The following ZNF71 variants were observed in gnomAD, a reference collection of about 807,000 sequenced individuals.
ZNF71 encodes endothelial zinc finger protein induced by tumor necrosis factor alpha.
A neutral mutation model predicts 6.7 loss-of-function variants in ZNF71; 3 were observed. The observed-to-expected ratio is 0.45, with a 90% CI of 0.20 to 1.16. The LOEUF (loss-of-function observed/expected upper bound fraction) is 1.16. ZNF71 is among the 50% of genes most tolerant of loss of function. The pLI, the probability that ZNF71 is intolerant of heterozygous loss-of-function variation, is 0.25. For missense variants in ZNF71, 688 were observed against 728.6 expected, an observed-to-expected ratio of 0.94 and a Z score of 0.64; for synonymous variants, 343 against 311.1, an observed-to-expected ratio of 1.10 and a Z score of -1.08.
chr19:56,616,770 G>T (rs941921867), intron 3 of ZNF71, among the ~76,000 whole-genome samples: 10 of 152,266 alleles, frequency 6.6e-5, no homozygotes, highest in Admixed American at 5.2e-4. Flanking sequence ...TCCTCAACTT[G>T]GGGAGTTGGC....
intron 1 of ZNF71, among the ~76,000 whole-genome samples, chr19:56,596,408 C>G (rs367707964): frequency 2.6e-5 from 4 of 152,256 alleles, no homozygotes; most frequent in African/African-American, 7.2e-5. Context: ...TCTCACCCTA[C>G]GCTTCTCCTA....
At position 56,618,271 on chromosome 19, in the gene ZNF71, G is replaced by C. The variant is rs920848469; in HGVS notation, c.161-2997G>C. ...CGAGTACATCTCTGACTCCATTCTT[G>C]TATCTCCGTTTCCTCATCAGCAAAA... On this transcript the variant is annotated intron_variant, in intron 3 of 3. Coordinates refer to ENST00000599599, the MANE Select transcript of ZNF71 (RefSeq NM_001370215.1). The surrounding 1 kb of genome is among the most constrained non-coding windows in gnomAD (Gnocchi z 4.6). Among the ~76,000 whole-genome samples the C allele has an allele frequency of 6.6e-6, 1 of 152,180 alleles. No individual in the cohort carries two copies. Among genetic ancestry groups the C allele is most frequent in the South Asian group, 2.1e-4 (1 of 4,832 alleles).
chr19:56,621,618 T>A lies in ZNF71; in HGVS notation c.511T>A (p.Phe171Ile), dbSNP rs746862574. 4 of 1,614,170 alleles carry A rather than the reference T, an allele frequency of 2.5e-6. No homozygotes were observed. Among genetic ancestry groups the A allele is most frequent in the Non-Finnish European group, 3.4e-6 (4 of 1,180,004 alleles). The change falls in exon 4 of 4, where the codon TTC becomes ATC. Residue 171 changes from phenylalanine (F) to isoleucine (I), a missense_variant. Coordinates refer to ENST00000599599, the MANE Select transcript of ZNF71 (RefSeq NM_001370215.1). ...TCCACCCGTAAGGCGTGGCAAGAAC[T>A]TCTCCAGCACTTCAGACCTCAGTAA... ...ACPPVRRGKNFSSTSDLSKPP... is the reference protein window; with the variant it reads ...ACPPVRRGKNISSTSDLSKPP...
In ZNF71 at chr19:56,618,480, C is replaced by G. The variant is rs1287540255; in HGVS notation, c.161-2788C>G. 6.6e-6 allele frequency among the ~76,000 whole-genome samples: 1 copy of G among 152,120 alleles called. No individual in the cohort carries two copies. Among genetic ancestry groups the G allele is most frequent in the Non-Finnish European group, 1.5e-5 (1 of 68,038 alleles). On this transcript the variant is annotated intron_variant, in intron 3 of 3. Transcript: ENST00000599599. The surrounding 1 kb of genome is among the most constrained non-coding windows in gnomAD (Gnocchi z 4.6). ...TGGGGGGTGAGCAAGGCCCTTGCCT[C>G]TAGTGGAGCTGACTCCTGCTGGGGG...
In ZNF71 at chr19:56,621,740, C is replaced by G. The variant is rs1360552008; in HGVS notation, c.633C>G (p.Ile211Met). 6.2e-7 allele frequency: 1 copy of G among 1,614,066 alleles called. No individual in the cohort carries two copies. Among genetic ancestry groups the G allele is most frequent in the South Asian group, 1.1e-5 (1 of 91,090 alleles). ...CGTCCCTGATAAAGCACCAAAGGAT[C>G]CACACGGGAGAAAAGCCGTTTGAGT... ...RSSSLIKHQR[I>M]HTGEKPFECD... The change falls in exon 4 of 4, where the codon ATC (isoleucine) becomes ATG (methionine). Residue 211 changes from isoleucine (I) to methionine (M), a missense_variant. Coordinates refer to ENST00000599599, the MANE Select transcript of ZNF71 (RefSeq NM_001370215.1).
rs76201558 is a variant in ZNF71 at position 56,618,278 on chromosome 19, C to T, written c.161-2990C>T. On this transcript the variant is annotated intron_variant, in intron 3 of 3. Transcript: ENST00000599599. This position sits in a 1 kb window ranked among gnomAD's most constrained non-coding sequence, Gnocchi z 4.6. ...ATCTCTGACTCCATTCTTGTATCTC[C>T]GTTTCCTCATCAGCAAAATGAGGAT... is the stretch of plus-strand genomic sequence containing the variant. Among the ~76,000 whole-genome samples, 32 of 152,320 alleles carry T rather than the reference C, an allele frequency of 2.1e-4. No individual in the cohort carries two copies. Among genetic ancestry groups the T allele is most frequent in the African/African-American group, 6.5e-4 (27 of 41,550 alleles).
Position 56,622,389 on chromosome 19 carries a change from T to A in ZNF71, c.1282T>A (p.Ser428Thr), listed in dbSNP as rs763323133. The change falls in exon 4 of 4, where the codon TCG becomes ACG. Residue 428 changes from serine to threonine, a missense_variant. Physicochemically the swap from Ser to Thr is moderately conservative, Grantham distance 58. Transcript: ENST00000599599. ...CGGCAAGGCCTTCAGCAAGAACTCC[T>A]CGCTCACGCAGCACCAGCGCATCCA... ...ECGKAFSKNSSLTQHQRIHTG... is the reference protein window; with the variant it reads ...ECGKAFSKNSTLTQHQRIHTG... 8 of 1,612,944 alleles carry A rather than the reference T, an allele frequency of 5.0e-6. No homozygotes were observed. The highest frequency in any genetic ancestry group is 1.7e-5 in the Admixed American group (1 of 59,954).
At chr19:56,606,669 G>A (rs925084448) in intron 2 of ZNF71, among the ~76,000 whole-genome samples, 2 of 151,892 alleles carry the variant, frequency 1.3e-5, no homozygotes, top group Admixed American at 6.6e-5. Context: ...GGCCTTGGTG[G>A]GCATCTTTTT....
chr19:56,615,557 T>TG (rs2044784187), intron 3 of ZNF71, among the ~76,000 whole-genome samples: 1 of 88,804 alleles, frequency 1.1e-5, no homozygotes, highest in Non-Finnish European at 2.3e-5. Flanking sequence ...AGTCTTTTCC[T>TG]GTTTTTTTTT....
rs564747884 is a variant in ZNF71, at chr19:56,615,260, T to G, written c.160+1322T>G. On this transcript the variant is annotated intron_variant, in intron 3 of 3. Transcript: ENST00000599599. ...CCTTCTGTTGAGTGGAAAGTCTGGATCATGTGCTACATGTATATTTAACTT... is the reference window on the plus strand; with the variant it reads ...CCTTCTGTTGAGTGGAAAGTCTGGAGCATGTGCTACATGTATATTTAACTT... Among the ~76,000 whole-genome samples, 8 of 152,360 alleles carry G rather than the reference T, an allele frequency of 5.3e-5. No individual in the cohort carries two copies. The South Asian group carries it at 1.7e-3, about 32-fold the overall frequency.
At chr19:56,597,559 A>G (rs1415386858) in intron 1 of ZNF71, among the ~76,000 whole-genome samples, 1 of 152,234 alleles carries the variant, frequency 6.6e-6, no homozygotes, top group African/African-American at 2.4e-5. Flanking sequence ...GGCTAAAGGT[A>G]TGCATAAAAC....
At position 56,621,529 on chromosome 19, in the gene ZNF71, T is replaced by A. The variant is rs758930086; in HGVS notation, c.422T>A (p.Phe141Tyr). 1 of 1,614,042 alleles carries A rather than the reference T, an allele frequency of 6.2e-7. No homozygotes were observed. The highest frequency in any genetic ancestry group is 8.5e-7 in the Non-Finnish European group (1 of 1,180,032). ...SVPACHELKA[F>Y]ANQGCVLVPP... The stretch of plus-strand genomic sequence containing the variant: ...CCCGCATGTCATGAACTGAAGGCAT[T>A]TGCCAACCAAGGCTGTGTCCTGGTC... Residue 141 changes from phenylalanine to tyrosine, a missense_variant, in exon 4 of 4, where the codon TTT (phenylalanine) becomes TAT (tyrosine). Physicochemically the swap from Phe to Tyr is conservative, Grantham distance 22. Transcript: ENST00000599599.
intron 2 of ZNF71, among the ~76,000 whole-genome samples, chr19:56,609,757 A>G (rs58558791): frequency 0.13 from 18,610 of 145,264 alleles, 1,848 homozygotes; most frequent in East Asian, 0.32. Flanking sequence ...CGGACGTTGC[A>G]TATAAATGAG....
In ZNF71 at chr19:56,622,170, G is replaced by A. The variant is rs1462522313; in HGVS notation, c.1063G>A (p.Glu355Lys). 6.2e-7 allele frequency: 1 copy of A among 1,613,844 alleles called. No individual in the cohort carries two copies. Among genetic ancestry groups the A allele is most frequent in the Non-Finnish European group, 8.5e-7 (1 of 1,179,892 alleles). ...LTEHQRTHTGEKPYACKECGK... is the reference protein window; with the variant it reads ...LTEHQRTHTGKKPYACKECGK... ...CGAGCACCAGCGCACGCACACCGGG[G>A]AGAAGCCGTACGCCTGCAAGGAGTG... Residue 355 changes from glutamate (E) to lysine (K), a missense_variant, in exon 4 of 4, where the codon GAG (glutamate) becomes AAG (lysine). By Grantham distance (56) the Glu-to-Lys change is moderately conservative (BLOSUM62 1). Transcript: ENST00000599599.
At chr19:56,596,383 G>C (rs141753543) in intron 1 of ZNF71, among the ~76,000 whole-genome samples, 5 of 152,246 alleles carry the variant, frequency 3.3e-5, no homozygotes, top group Non-Finnish European at 7.4e-5. Context: ...AGGGAGCCTA[G>C]CAGAGCCACT....
At chr19:56,620,133 CTG>C (rs1175370504) in intron 3 of ZNF71, among the ~76,000 whole-genome samples, 5 of 152,174 alleles carry the variant, frequency 3.3e-5, no homozygotes, top group Non-Finnish European at 7.4e-5. Flanking sequence ...GTGAGCGGTC[CTG>C]TGTGTATGAA....
At chr19:56,611,379 G>C (rs374365469) in intron 2 of ZNF71, among the ~76,000 whole-genome samples, 1 of 152,198 alleles carries the variant, frequency 6.6e-6, no homozygotes, top group South Asian at 2.1e-4. Flanking sequence ...GAGGTTCAAA[G>C]CCTGGCTGTC....
chr19:56,621,799 C>A lies in ZNF71; in HGVS notation c.692C>A (p.Ser231Ter), dbSNP rs755112007. The A allele has an allele frequency of 6.2e-7, 1 of 1,613,960 alleles. No individual in the cohort carries two copies. Among genetic ancestry groups the A allele is most frequent in the Admixed American group, 1.7e-5 (1 of 60,026 alleles). The change falls in exon 4 of 4, where the codon TCG becomes TAG. Residue 231 changes from serine to a stop codon, truncating the protein, a stop_gained. Coordinates refer to ENST00000599599, the MANE Select transcript of ZNF71 (RefSeq NM_001370215.1). LOFTEE classifies it low-confidence loss of function (END_TRUNC). ...TGTGGGAAGCACTTCATCGAGCGCT[C>A]GTCCCTCACCATCCACCAGCGGGTG... is the stretch of plus-strand genomic sequence containing the variant. ...DTCGKHFIER[S>*]SLTIHQRVHT...
rs2044882878 is a variant in ZNF71, at chr19:56,623,523, C to G, written c.*766C>G. 1 of 167,012 alleles carries G rather than the reference C, an allele frequency of 6.0e-6. No homozygotes were observed. Among genetic ancestry groups the G allele is most frequent in the South Asian group, 2.1e-4 (1 of 4,826 alleles). The allele number at this position is 167,012 out of a possible 1,614,324, so 10.3% of individuals were successfully genotyped here. A position where few individuals can be genotyped will look rare whatever the true frequency, so the allele number is the denominator to read the frequency against. ...TGGGAGGGGCAAGAAGGAAAAGAAA[C>G]AGCAGCAGGTTTGATATTCAGAAAG... is the stretch of plus-strand genomic sequence containing the variant. On this transcript the variant is annotated 3_prime_UTR_variant, in exon 4 of 4. Transcript: ENST00000599599.
Sources: allele counts gnomAD v4.1 joint callset (sites outside exome capture counted in the v4.1 genomes callset), GRCh38; gene constraint gnomAD v4.1.1; non-coding constraint Gnocchi (gnomAD v3.1); transcripts MANE v1.5; gene names NCBI Gene and HGNC (gene_info 2026-07-23, HGNC 2026-07-21).